Variants in PCDHGA9 observed in about 807,000 individuals in gnomAD.
PCDHGA9 encodes protocadherin gamma-A9.
PCDHGA9 carries 37 observed loss-of-function variants against 62.5 expected under a neutral mutation model. That is an observed-to-expected ratio of 0.59 (90% CI 0.46 to 0.78). The LOEUF (loss-of-function observed/expected upper bound fraction) is 0.78, where lower values mean the gene tolerates loss of function less well. Ranked by LOEUF, PCDHGA9 falls within the 30% of genes least tolerant of loss-of-function variation. The pLI is 0.00. For missense variants in PCDHGA9, 1,138 were observed against 1,166.2 expected, an observed-to-expected ratio of 0.98 and a Z score of 0.35; for synonymous variants, 459 against 484.6, an observed-to-expected ratio of 0.95 and a Z score of 0.69.
chr5:141,410,464 G>A, intron 1 of PCDHGA9: 1 of 1,613,994 alleles, frequency 6.2e-7, no homozygotes, highest in South Asian at 1.1e-5. Context: ...CTTATAATCT[G>A]TGCATTGCAC....
At chr5:141,418,349 A>G in intron 1 of PCDHGA9, 1 of 1,614,016 alleles carries the variant, frequency 6.2e-7, no homozygotes, top group South Asian at 1.1e-5. Context: ...TGATATTAGT[A>G]TGAATTCGCT....
At chr5:141,460,965 G>A (rs1398642676) in intron 1 of PCDHGA9, among the ~76,000 whole-genome samples, 21 of 114,476 alleles carry the variant, frequency 1.8e-4, no homozygotes, top group African/African-American at 8.5e-4. Flanking sequence ...ATATATATGT[G>A]TGTGTGTGTG....
rs770219250 is a variant in PCDHGA9, at chr5:141,477,852, T to C, written c.2425-16955T>C. Reference sequence around the variant, plus strand: ...CGGCCAGGTGGGAGCTCGGTGGAGATGCTGCCTCGAGGTACCTCAGCTGGC... The same window carrying C: ...CGGCCAGGTGGGAGCTCGGTGGAGACGCTGCCTCGAGGTACCTCAGCTGGC... On this transcript the variant is annotated intron_variant, in intron 1 of 3. Transcript: ENST00000573521. This position sits in a 1 kb window ranked among gnomAD's most constrained non-coding sequence, Gnocchi z 4.9. The C allele has an allele frequency of 6.2e-7, 1 of 1,613,654 alleles. No homozygotes were observed. Among genetic ancestry groups the C allele is most frequent in the Admixed American group, 1.7e-5 (1 of 59,980 alleles).
At chr5:141,448,893 C>G (rs957997508) in intron 1 of PCDHGA9, among the ~76,000 whole-genome samples, 2 of 151,948 alleles carry the variant, frequency 1.3e-5, no homozygotes, top group Non-Finnish European at 2.9e-5. Flanking sequence ...TGCAGTGAGC[C>G]GAGATCGTGC....
chr5:141,494,613 G>A (rs2099755672), intron 1 of PCDHGA9, among the ~76,000 whole-genome samples, 194 bp from the exon 2 acceptor site: 1 of 152,136 alleles, frequency 6.6e-6, no homozygotes, highest in Non-Finnish European at 1.5e-5. Context: ...TTATCTCTTG[G>A]TTTCTGGTAC....
At chr5:141,406,940 A>C (rs2094868445) in intron 1 of PCDHGA9, among the ~76,000 whole-genome samples, 1 of 152,212 alleles carries the variant, frequency 6.6e-6, no homozygotes, top group African/African-American at 2.4e-5. Context: ...ATTTAATGTT[A>C]TTTTAAACAT....
intron 1 of PCDHGA9, among the ~76,000 whole-genome samples, chr5:141,434,452 G>T (rs2097695209): frequency 6.6e-6 from 1 of 152,334 alleles, no homozygotes; most frequent in African/African-American, 2.4e-5. Flanking sequence ...CTGGAAGGTA[G>T]TGGGTTTACC....
rs749499883 is a variant in PCDHGA9 at position 141,486,382 on chromosome 5, C to T, written c.2425-8425C>T. ...TTGCCCTCAAGTCTGCCTTCAGGAA[C>T]CAGTTCTCCCTGGTGACTGCTGGAC... is the stretch of plus-strand genomic sequence containing the variant. On this transcript the variant is annotated intron_variant, in intron 1 of 3. Transcript: ENST00000573521. The surrounding 1 kb of genome is among the most constrained non-coding windows in gnomAD (Gnocchi z 5.0). 25 of 1,613,986 alleles carry T rather than the reference C, an allele frequency of 1.5e-5. No homozygotes were observed. The highest frequency in any genetic ancestry group is 1.9e-5 in the Non-Finnish European group (23 of 1,179,998).
chr5:141,422,175 T>G (rs2096631593), intron 1 of PCDHGA9: 1 of 1,564,276 alleles, frequency 6.4e-7, no homozygotes, highest in Non-Finnish European at 8.6e-7. Context: ...ATAGATTCTA[T>G]GAGATGGAAA....
chr5:141,447,360 A>G (rs1471046883), intron 1 of PCDHGA9, among the ~76,000 whole-genome samples: 1 of 151,914 alleles, frequency 6.6e-6, no homozygotes, highest in Non-Finnish European at 1.5e-5. Context: ...GCTGGTCTCA[A>G]ACTCCTGACC....
In PCDHGA9 at chr5:141,432,142, C is replaced by T; in HGVS notation, c.2424+26766C>T. 1 of 1,614,098 alleles carries T rather than the reference C, an allele frequency of 6.2e-7. No individual in the cohort carries two copies. Among genetic ancestry groups the T allele is most frequent in the Non-Finnish European group, 8.5e-7 (1 of 1,180,016 alleles). On this transcript the variant is annotated intron_variant, in intron 1 of 3. Transcript: ENST00000573521. This position sits in a 1 kb window ranked among gnomAD's most constrained non-coding sequence, Gnocchi z 6.0. Reference sequence around the variant, plus strand: ...CTCAGGCCTCCTATTCCGCTTATATCCCAGAGAACAATCCCAGAGGAGTTT... The same window carrying T: ...CTCAGGCCTCCTATTCCGCTTATATTCCAGAGAACAATCCCAGAGGAGTTT...
chr5:141,428,121 G>T (rs764584436), intron 1 of PCDHGA9: 1 of 1,605,860 alleles, frequency 6.2e-7, no homozygotes. Context: ...CATCGAGCCC[G>T]GGCTTTTCAG....
chr5:141,405,471 A>C, intron 1 of PCDHGA9, 95 bp downstream of exon 1: 6 of 1,084,370 alleles, frequency 5.5e-6, no homozygotes, highest in Non-Finnish European at 7.9e-6. Context: ...CCAGGCTGGA[A>C]TGCAGTGGTG....
chr5:141,418,523 C>G (rs2096266495), intron 1 of PCDHGA9: 1 of 1,613,958 alleles, frequency 6.2e-7, no homozygotes, highest in Non-Finnish European at 8.5e-7. Context: ...GGACCCTCCC[C>G]GAAGCGGTAC....
intron 1 of PCDHGA9, chr5:141,427,536 G>A (rs758610182): frequency 4.8e-6 from 3 of 626,396 alleles, no homozygotes; most frequent in Middle Eastern, 2.5e-4. Flanking sequence ...GGAGTACAAC[G>A]TCACCATCAC....
At position 141,487,152 on chromosome 5, in the gene PCDHGA9, C is replaced by T. The variant is rs772254681; in HGVS notation, c.2425-7655C>T. On this transcript the variant is annotated intron_variant, in intron 1 of 3. Coordinates refer to ENST00000573521, the MANE Select transcript of PCDHGA9 (RefSeq NM_018921.3). The surrounding 1 kb of genome is among the most constrained non-coding windows in gnomAD (Gnocchi z 5.0). ...AGTCCACCACTCTCTACCTCTGTTA[C>T]TCTCTTAGTGTCCTTAGAGGAAGAC... 3.7e-6 allele frequency: 6 copies of T among 1,613,860 alleles called. No homozygotes were observed. Among genetic ancestry groups the T allele is most frequent in the Non-Finnish European group, 5.1e-6 (6 of 1,179,828 alleles).
intron 1 of PCDHGA9, chr5:141,441,678 G>A (rs952726158): frequency 3.4e-6 from 1 of 292,424 alleles, no homozygotes; most frequent in Non-Finnish European, 6.7e-6. Flanking sequence ...GTGCGCCTTC[G>A]ACCAAGAGCA....
At chr5:141,500,215 T>G (rs888740312) in intron 2 of PCDHGA9, among the ~76,000 whole-genome samples, 8 of 150,660 alleles carry the variant, frequency 5.3e-5, no homozygotes, top group African/African-American at 1.9e-4. Context: ...TTTATTTATT[T>G]ATTTATTTAT....
At chr5:141,439,780 T>G (rs1023743000) in intron 1 of PCDHGA9, 1 of 152,228 alleles carries the variant, frequency 6.6e-6, no homozygotes, top group African/African-American at 2.4e-5. Context: ...TGGCTGGAGA[T>G]TCTATAATCC....
Sources: gnomAD v4.1 joint callset for allele counts (sites outside exome capture counted in the v4.1 genomes callset) on GRCh38, gnomAD v4.1.1 for gene constraint, Gnocchi (gnomAD v3.1) non-coding constraint, MANE v1.5 for transcripts, NCBI Gene and HGNC (gene_info 2026-07-23, HGNC 2026-07-21) for gene names.